Variants in NDE1 observed in about 807,000 individuals in gnomAD.
NDE1 encodes nudE neurodevelopment protein 1, also known as nuclear distribution protein nudE homolog 1.
In NDE1, 28 loss-of-function variants were observed where a neutral mutation model predicts 43.4. That is an observed-to-expected ratio of 0.65 (90% CI 0.48 to 0.89). The LOEUF is 0.89. NDE1 is among the 40% of genes least tolerant of loss of function. NDE1 has a pLI of 0.00. For synonymous variants in NDE1, 184 were observed against 172.0 expected, an observed-to-expected ratio of 1.07 and a Z score of -0.55; for missense variants, 441 against 434.1, an observed-to-expected ratio of 1.02 and a Z score of -0.14.
chr16:15,712,109 TTCA>T (rs1331317461), intron 8 of NDE1, among the ~76,000 whole-genome samples: 12 of 152,324 alleles, frequency 7.9e-5, no homozygotes, highest in Admixed American at 2.0e-4. Flanking sequence ...TGTTGGCAAC[TTCA>T]TCATTTTAGC....
intron 8 of NDE1, 94 bp from the exon 9 acceptor site, chr16:15,724,097 C>T: frequency 6.2e-7 from 1 of 1,607,816 alleles, no homozygotes; most frequent in South Asian, 1.1e-5. Context: ...GCGTCATACT[C>T]TGCAGAGCTG....
At chr16:15,716,903 G>A (rs369602655) in intron 8 of NDE1, among the ~76,000 whole-genome samples, 1 of 152,242 alleles carries the variant, frequency 6.6e-6, no homozygotes. Flanking sequence ...AATGTCAGGA[G>A]GACCATGGAG....
intron 8 of NDE1, among the ~76,000 whole-genome samples, chr16:15,697,670 G>A (rs1282457826): frequency 6.6e-6 from 1 of 152,098 alleles, no homozygotes; most frequent in African/African-American, 2.4e-5. Context: ...CCAAAATTGT[G>A]CCTCTGCACA....
At chr16:15,690,989 A>G (rs2038720129) in intron 5 of NDE1, among the ~76,000 whole-genome samples, 155 bp from the exon 6 acceptor site, 1 of 152,006 alleles carries the variant, frequency 6.6e-6, no homozygotes, top group African/African-American at 2.4e-5. Context: ...TGTATTTTCA[A>G]TAGAGATGAG....
chr16:15,680,891 C>T (rs573463955), intron 4 of NDE1, among the ~76,000 whole-genome samples: 81 of 152,022 alleles, frequency 5.3e-4, no homozygotes, highest in African/African-American at 1.8e-3. Context: ...TAATTTTTTC[C>T]GTGGTAATCT....
rs757501817 is a variant in NDE1 at position 15,718,363 on chromosome 16, C to T, written c.948-5828C>T. ...GGTCGCTCATGGCCTCCATGTTGCC[C>T]TGCTCCTCCTCCAGCTCCTCCTCCA... On this transcript the variant is annotated intron_variant, in intron 8 of 8. Transcript: ENST00000396354. The T allele has an allele frequency of 1.9e-4, 311 of 1,608,002 alleles. No individual in the cohort carries two copies. Among genetic ancestry groups the T allele is most frequent in the Non-Finnish European group, 2.6e-4 (301 of 1,179,452 alleles).
chr16:15,682,131 C>T (rs1032148164), intron 4 of NDE1, among the ~76,000 whole-genome samples: 1 of 152,096 alleles, frequency 6.6e-6, no homozygotes, highest in Non-Finnish European at 1.5e-5. Context: ...TGTTAAAAAT[C>T]GGATGAGGTA....
chr16:15,705,515 A>G (rs1348505707), intron 8 of NDE1, among the ~76,000 whole-genome samples: 4 of 152,166 alleles, frequency 2.6e-5, no homozygotes, highest in African/African-American at 9.7e-5. Context: ...CTTTTCAGCA[A>G]CCGCAACAAA....
chr16:15,709,709 A>G (rs1318640253), intron 8 of NDE1, among the ~76,000 whole-genome samples: 1 of 152,222 alleles, frequency 6.6e-6, no homozygotes, highest in African/African-American at 2.4e-5. Flanking sequence ...TCAGGGAAGT[A>G]AAAGCATTTG....
At chr16:15,704,174 G>A (rs1243595578) in intron 8 of NDE1, 1 of 1,607,148 alleles carries the variant, frequency 6.2e-7, no homozygotes, top group African/African-American at 1.3e-5. Flanking sequence ...TTCATGGTTG[G>A]GATAGATTTT....
intron 8 of NDE1, among the ~76,000 whole-genome samples, chr16:15,721,851 TGTTG>T (rs2040503332): frequency 1.3e-5 from 2 of 152,082 alleles, no homozygotes; most frequent in African/African-American, 4.8e-5. Context: ...TGTTTTTTTT[TGTTG>T]GTTTGTGTGT....
At chr16:15,708,423 G>T (rs150687675) in intron 8 of NDE1, among the ~76,000 whole-genome samples, 139 of 152,324 alleles carry the variant, frequency 9.1e-4, no homozygotes, top group African/African-American at 3.2e-3. Flanking sequence ...GTCTTCACTG[G>T]ACAAGGGAGG....
At position 15,725,558 on chromosome 16, in the gene NDE1, C is replaced by T. The variant is rs2040712340; in HGVS notation, c.*1307C>T. 1.5e-5 allele frequency: 6 copies of T among 408,498 alleles called. No individual in the cohort carries two copies. The highest frequency in any genetic ancestry group is 2.6e-5 in the Non-Finnish European group (6 of 231,234). 25.3% of individuals were successfully genotyped at this position (408,498 alleles called of 1,614,324 possible). ...CTCCCTAGTGTCTCTGCATAAGTCC[C>T]TTTGAGGCTGTTAGCCTACCCCTCC... On this transcript the variant is annotated 3_prime_UTR_variant, in exon 9 of 9. Transcript: ENST00000396354.
chr16:15,717,330 C>G lies in NDE1; in HGVS notation c.948-6861C>G, dbSNP rs369969369. Reference sequence around the variant, plus strand: ...GCCGTGCTGCGCTCTGTGGCCAGCTCGTTGCTGAGCTGCTCGGCCTGGGGA... The same window carrying G: ...GCCGTGCTGCGCTCTGTGGCCAGCTGGTTGCTGAGCTGCTCGGCCTGGGGA... On this transcript the variant is annotated intron_variant, in intron 8 of 8. Coordinates refer to ENST00000396354, the MANE Select transcript of NDE1 (RefSeq NM_017668.3). The G allele has an allele frequency of 3.7e-6, 6 of 1,609,030 alleles. No homozygotes were observed. Among genetic ancestry groups the G allele is most frequent in the East Asian group, 4.5e-5 (2 of 44,872 alleles).
chr16:15,718,606 C>CAGCCGGGACTCA, intron 8 of NDE1: 1 of 1,065,616 alleles, frequency 9.4e-7, no homozygotes, highest in East Asian at 2.6e-5. Context: ...AGGAAGTGGA[C>CAGCCGGGACTCA]AGCCGGGACT....
chr16:15,685,547 G>C (rs905487444), intron 4 of NDE1, among the ~76,000 whole-genome samples: 2 of 152,222 alleles, frequency 1.3e-5, no homozygotes, highest in South Asian at 4.1e-4. Context: ...CACTGTGCTT[G>C]TCCCTTTGTT....
rs1184893001 is a variant in NDE1, at chr16:15,724,851, C to T, written c.*600C>T. ...AGGGACCTGCCCCGAGGAAGGCCAC[C>T]CCCCAGGTCCCCTGGATGATGTGGC... On this transcript the variant is annotated 3_prime_UTR_variant, in exon 9 of 9. Transcript: ENST00000396354. The T allele has an allele frequency of 1.9e-5, 31 of 1,613,774 alleles. No individual in the cohort carries two copies. Among genetic ancestry groups the T allele is most frequent in the Non-Finnish European group, 2.6e-5 (31 of 1,179,960 alleles).
intron 8 of NDE1, among the ~76,000 whole-genome samples, chr16:15,709,346 T>C (rs904215617): frequency 6.6e-6 from 1 of 151,990 alleles, no homozygotes. Flanking sequence ...TTTGATACTC[T>C]GTCACCCAGG....
chr16:15,721,390 A>G (rs954281206), intron 8 of NDE1: 2 of 1,610,398 alleles, frequency 1.2e-6, no homozygotes, highest in African/African-American at 1.3e-5. Context: ...CAGGCGAAAC[A>G]TGGACGAGAA....
Sources: gnomAD v4.1 joint callset for allele counts (sites outside exome capture counted in the v4.1 genomes callset) on GRCh38, gnomAD v4.1.1 for gene constraint, MANE v1.5 for transcripts, NCBI Gene and HGNC (gene_info 2026-07-23, HGNC 2026-07-21) for gene names.